Variants in CFAP119 observed in about 807,000 individuals in gnomAD.
CFAP119 encodes the protein cilia and flagella associated protein 119.
chr16:30,762,025 T>G, the CFAP119 span: 1 of 496,690 alleles, frequency 2.0e-6, no homozygotes, highest in East Asian at 3.5e-5. Context: ...AAGTTGCGAG[T>G]GCCCACCTGG....
the CFAP119 span, chr16:30,758,549 TTTTG>T: frequency 2.0e-3 from 407 of 205,712 alleles, no homozygotes; most frequent in South Asian, 2.9e-3. Context: ...CAGCTGTGCT[TTTTG>T]TTTGTTTGTT....
chr16:30,760,255 G>A, the CFAP119 span: 1 of 1,613,920 alleles, frequency 6.2e-7, no homozygotes, highest in Non-Finnish European at 8.5e-7. Context: ...TCTCCCTGGG[G>A]CTCAAACCTG....
At chr16:30,757,528 A>G in the CFAP119 span, 2 of 1,614,246 alleles carry the variant, frequency 1.2e-6, no homozygotes, top group Non-Finnish European at 8.5e-7. Flanking sequence ...GGGCCGCTCT[A>G]GTGCAGTCAA....
At chr16:30,759,563 C>T in the CFAP119 span, 1 of 1,614,052 alleles carries the variant, frequency 6.2e-7, no homozygotes, top group East Asian at 2.2e-5. Context: ...GGGGTCTTCA[C>T]AAGAAGATAA....
the CFAP119 span, chr16:30,759,680 T>A: frequency 8.1e-6 from 13 of 1,613,854 alleles, no homozygotes; most frequent in Non-Finnish European, 5.9e-6. Flanking sequence ...AAAAGGACAC[T>A]GGTGAAGTAG....
chr16:30,759,348 T>C, the CFAP119 span: 1 of 1,613,618 alleles, frequency 6.2e-7, no homozygotes, highest in Non-Finnish European at 8.5e-7. Context: ...CTACCTGGGG[T>C]GTGAAGACGT....
At chr16:30,761,304 A>C in the CFAP119 span, 33 of 1,594,596 alleles carry the variant, frequency 2.1e-5, no homozygotes, top group Non-Finnish European at 2.5e-5. Flanking sequence ...AGGCCGGAGA[A>C]GCCGCTGTAA....
the CFAP119 span, chr16:30,759,233 C>A: frequency 1.2e-6 from 2 of 1,614,176 alleles, no homozygotes; most frequent in African/African-American, 1.3e-5. Flanking sequence ...AAGTCAAAGA[C>A]AGATCCAGCC....
chr16:30,757,829 G>A, the CFAP119 span: 3 of 1,411,366 alleles, frequency 2.1e-6, no homozygotes, highest in Non-Finnish European at 2.8e-6. Flanking sequence ...TAGTTGGGTA[G>A]GGTGGCTATG....
the CFAP119 span, chr16:30,761,073 A>G: frequency 2.4e-5 from 26 of 1,093,362 alleles, no homozygotes; most frequent in Non-Finnish European, 1.6e-5. Flanking sequence ...AGTCACCTGG[A>G]GTAATTGCAT....
chr16:30,759,492 A>C, the CFAP119 span: 3 of 1,614,084 alleles, frequency 1.9e-6, no homozygotes, highest in Middle Eastern at 1.7e-4. Context: ...AACCCTGACT[A>C]CCTTCCGGAG....
chr16:30,760,079 A>T, the CFAP119 span: 1 of 1,535,876 alleles, frequency 6.5e-7, no homozygotes, highest in Admixed American at 2.0e-5. Flanking sequence ...TATTTCTCAG[A>T]ACAGTCCTGT....
the CFAP119 span, chr16:30,761,899 G>T: frequency 1.3e-6 from 1 of 761,324 alleles, no homozygotes; most frequent in Admixed American, 3.0e-5. Context: ...GCGAATCCGT[G>T]GGGGCGTCTC....
the CFAP119 span, chr16:30,758,991 C>T: frequency 1.2e-6 from 2 of 1,614,010 alleles, no homozygotes; most frequent in Non-Finnish European, 1.7e-6. Flanking sequence ...ACAGGGCAGC[C>T]TGCCCTCTCC....
chr16:30,760,897 G>A, the CFAP119 span: 3 of 618,144 alleles, frequency 4.9e-6, no homozygotes, highest in East Asian at 8.2e-5. Flanking sequence ...TTTCTGCTCT[G>A]CCACTACCTT....
chr16:30,760,681 A>G, the CFAP119 span: 108 of 1,522,462 alleles, frequency 7.1e-5, no homozygotes, highest in Non-Finnish European at 3.5e-5. Context: ...GTTATAGTAA[A>G]AGAAAAAGAG....
the CFAP119 span, chr16:30,760,653 G>A: frequency 6.4e-7 from 1 of 1,553,140 alleles, no homozygotes; most frequent in African/African-American, 1.4e-5. Context: ...GCATGGAATG[G>A]ACGTCCAGGT....
At chr16:30,758,120 G>C in the CFAP119 span, 1 of 147,396 alleles carries the variant, frequency 6.8e-6, no homozygotes, top group South Asian at 2.1e-4. Context: ...CCCCCAGGCT[G>C]GAGTGCAGTG....
chr16:30,761,575 C>G, the CFAP119 span: 1 of 1,536,162 alleles, frequency 6.5e-7, no homozygotes, highest in Middle Eastern at 1.7e-4. Context: ...GGTCTTCATC[C>G]GCTTTCGCCG....
Sources: gnomAD v4.1 joint callset for allele counts on GRCh38, gnomAD v4.1.1 for gene constraint, MANE v1.5 for transcripts, NCBI Gene and HGNC (gene_info 2026-07-23, HGNC 2026-07-21) for gene names.